FAM13A: variants seen among roughly 807,000 people sequenced by gnomAD.
The protein encoded by FAM13A is protein FAM13A.
Under a neutral mutation model 129.6 loss-of-function variants are expected in FAM13A, and 76 were observed. The ratio of observed to expected loss-of-function variants is 0.59; its 90% CI spans 0.49 to 0.71. FAM13A has a LOEUF of 0.71. FAM13A is among the 30% of genes least tolerant of loss of function. The pLI is 0.00. For synonymous variants in FAM13A, 443 were observed against 449.9 expected (o/e 0.98, Z 0.20); for missense variants, 1,108 against 1,249.3 (o/e 0.89, Z 1.70).
intron 4 of FAM13A, among the ~76,000 whole-genome samples, chr4:88,982,218 A>G (rs981202488): frequency 6.6e-6 from 1 of 152,244 alleles, no homozygotes; most frequent in African/African-American, 2.4e-5. Flanking sequence ...AATATTAACA[A>G]GCATACTCAA....
At chr4:88,790,541 A>G (rs780691036) in intron 9 of FAM13A, 45 bp downstream of exon 9, 2 of 1,446,882 alleles carry the variant, frequency 1.4e-6, no homozygotes, top group Non-Finnish European at 1.9e-6. Context: ...CAGGGCATTA[A>G]AAAAAAAAAA....
intron 14 of FAM13A, among the ~76,000 whole-genome samples, chr4:88,756,121 C>T (rs964663925): frequency 1.3e-5 from 2 of 152,168 alleles, no homozygotes; most frequent in Non-Finnish European, 2.9e-5. Flanking sequence ...CAGAATAGTA[C>T]ATTAAATCTG....
At chr4:88,957,368 T>C (rs1757921098) in intron 4 of FAM13A, among the ~76,000 whole-genome samples, 2 of 151,998 alleles carry the variant, frequency 1.3e-5, no homozygotes, top group Admixed American at 6.5e-5. Context: ...CCACCCCACA[T>C]CTCTCACTTG....
intron 2 of FAM13A, among the ~76,000 whole-genome samples, chr4:89,025,603 C>G (rs182029475): frequency 1.3e-5 from 2 of 152,266 alleles, no homozygotes; most frequent in Admixed American, 1.3e-4. Flanking sequence ...TGGAAACAAT[C>G]CATTTGCCCA....
In FAM13A at chr4:88,790,610, A is replaced by G. The variant is rs759723174; in HGVS notation, c.1067T>C (p.Val356Ala). The change falls in exon 9 of 24, where the codon GTC becomes GCC. Residue 356 changes from valine to alanine, a missense_variant. Around this residue, in one of 3 missense-constraint regions of FAM13A, gnomAD observed 566 missense variants for 595.7 expected, o/e 0.95. Transcript: ENST00000264344. ...PFYLSAHVPQ[V>A]SNVSATGELL... ...CTCTCCGGTTGCAGACACATTGCTG[A>G]CTTGGGGTACATGAGCACTGCAGAA... The G allele has an allele frequency of 6.2e-7, 1 of 1,611,984 alleles. No individual in the cohort carries two copies. The highest frequency in any genetic ancestry group is 2.2e-5 in the East Asian group (1 of 44,848).
At chr4:88,889,067 G>A (rs541781871) in intron 6 of FAM13A, among the ~76,000 whole-genome samples, 1 of 152,262 alleles carries the variant, frequency 6.6e-6, no homozygotes, top group African/African-American at 2.4e-5. Flanking sequence ...GAATCGCAGG[G>A]GTGAAGGCAG....
chr4:88,918,452 T>C (rs1750464261), intron 5 of FAM13A, among the ~76,000 whole-genome samples: 1 of 152,226 alleles, frequency 6.6e-6, no homozygotes, highest in South Asian at 2.1e-4. Context: ...ACTTAGTAAG[T>C]GGCAACACTG....
At chr4:88,818,502 A>G (rs1731223543) in intron 7 of FAM13A, among the ~76,000 whole-genome samples, 1 of 152,206 alleles carries the variant, frequency 6.6e-6, no homozygotes, top group African/African-American at 2.4e-5. Context: ...AGTGGTTTAG[A>G]CAGGATGATC....
At chr4:88,748,188 G>A (rs1289435729) in intron 17 of FAM13A, among the ~76,000 whole-genome samples, 1 of 152,120 alleles carries the variant, frequency 6.6e-6, no homozygotes, top group Non-Finnish European at 1.5e-5. Context: ...CACTGCGCCC[G>A]GCCTGATATA....
intron 10 of FAM13A, among the ~76,000 whole-genome samples, chr4:88,784,516 A>G (rs564774918): frequency 6.6e-6 from 1 of 152,120 alleles, no homozygotes; most frequent in Admixed American, 6.6e-5. Flanking sequence ...ATCTAGATTT[A>G]TTTCCATATT....
At chr4:89,053,613 G>C (rs1246121148) in intron 1 of FAM13A, among the ~76,000 whole-genome samples, 1 of 152,104 alleles carries the variant, frequency 6.6e-6, no homozygotes, top group Non-Finnish European at 1.5e-5. Context: ...TAGAGAGAAA[G>C]GCTACGAGGC....
At chr4:89,025,105 A>C (rs1163223638) in intron 2 of FAM13A, among the ~76,000 whole-genome samples, 1 of 152,116 alleles carries the variant, frequency 6.6e-6, no homozygotes, top group Non-Finnish European at 1.5e-5. Flanking sequence ...GTGAGTGTAA[A>C]TTGTTTCAGC....
chr4:88,848,281 C>A (rs11944060), intron 7 of FAM13A, among the ~76,000 whole-genome samples: 1,968 of 152,310 alleles, frequency 0.013, 47 homozygotes, highest in African/African-American at 0.045. Flanking sequence ...GGTTGTACAG[C>A]GCTCAAGCTG....
intron 4 of FAM13A, among the ~76,000 whole-genome samples, chr4:88,945,990 G>GTATGTATGTGTGTATATATATATA (rs1553901196): frequency 4.8e-5 from 3 of 61,958 alleles, no homozygotes; most frequent in African/African-American, 1.7e-4. Context: ...GTGTGTGTGT[G>GTATGTATGTGTGTATATATATATA]TATATATATA....
At chr4:88,827,835 T>C (rs1272928296) in intron 7 of FAM13A, among the ~76,000 whole-genome samples, 2 of 152,224 alleles carry the variant, frequency 1.3e-5, no homozygotes, top group Non-Finnish European at 2.9e-5. Flanking sequence ...TAACTCATTT[T>C]TGTACTCAAA....
chr4:88,868,445 T>A (rs901764957), intron 6 of FAM13A, among the ~76,000 whole-genome samples: 1 of 152,218 alleles, frequency 6.6e-6, no homozygotes, highest in Admixed American at 6.5e-5. Flanking sequence ...TCACTTTAGT[T>A]TGGGCCCTTC....
At chr4:88,945,990 G>GTGTGTGTGTATA in intron 4 of FAM13A, among the ~76,000 whole-genome samples, 7 of 61,954 alleles carry the variant, frequency 1.1e-4, no homozygotes, top group African/African-American at 1.7e-4. Context: ...GTGTGTGTGT[G>GTGTGTGTGTATA]TATATATATA....
intron 7 of FAM13A, among the ~76,000 whole-genome samples, chr4:88,810,568 T>C (rs1010853888): frequency 1.3e-5 from 2 of 152,016 alleles, no homozygotes; most frequent in East Asian, 1.9e-4. Flanking sequence ...CTGGAACATA[T>C]CAAATTCAGA....
intron 3 of FAM13A, among the ~76,000 whole-genome samples, chr4:89,000,486 A>C (rs1260499749): frequency 6.6e-6 from 1 of 152,200 alleles, no homozygotes; most frequent in Non-Finnish European, 1.5e-5. Flanking sequence ...TATAGAAAGA[A>C]AGTAGACTGG....
Sources: gnomAD v4.1 joint callset for allele counts (sites outside exome capture counted in the v4.1 genomes callset) on GRCh38, gnomAD v4.1.1 for gene constraint, gnomAD v4.1.1 regional missense constraint, MANE v1.5 for transcripts, NCBI Gene and HGNC (gene_info 2026-07-23, HGNC 2026-07-21) for gene names.